Variants in PDE4D observed in about 807,000 individuals in gnomAD.
The protein encoded by PDE4D is phosphodiesterase 4D, also known as 3',5'-cyclic-AMP phosphodiesterase 4D.
In PDE4D, 24 loss-of-function variants were observed where a neutral mutation model predicts 87.4. The observed-to-expected ratio is 0.27, with a 90% CI of 0.20 to 0.39. The LOEUF (loss-of-function observed/expected upper bound fraction) is 0.39. Among genes scored for constraint, PDE4D ranks in the 10% least tolerant of loss-of-function variants. The pLI is 1.00. For synonymous variants in PDE4D, 384 were observed against 383.2 expected, an observed-to-expected ratio of 1.00 and a Z score of -0.02; for missense variants, 714 against 1,041.0, an observed-to-expected ratio of 0.69 and a Z score of 4.32.
intron 1 of PDE4D, among the ~76,000 whole-genome samples, chr5:59,410,018 T>A (rs1438606842): frequency 6.6e-6 from 1 of 152,228 alleles, no homozygotes; most frequent in Non-Finnish European, 1.5e-5. Context: ...AATAATCACA[T>A]CAGGATAAAT....
chr5:60,281,416 A>G (rs191621621), intron 1 of PDE4D, among the ~76,000 whole-genome samples: 2 of 152,202 alleles, frequency 1.3e-5, no homozygotes, highest in African/African-American at 2.4e-5. Context: ...TTTATTTGCC[A>G]TTCCTAAAAA....
intron 1 of PDE4D, among the ~76,000 whole-genome samples, chr5:59,629,761 C>T (rs1831340052): frequency 6.6e-6 from 1 of 152,168 alleles, no homozygotes; most frequent in African/African-American, 2.4e-5. Flanking sequence ...CACAGCTACC[C>T]TATGTGTTAG....
intron 3 of PDE4D, among the ~76,000 whole-genome samples, chr5:59,934,036 T>G (rs991354347): frequency 6.6e-6 from 1 of 152,030 alleles, no homozygotes; most frequent in Non-Finnish European, 1.5e-5. Flanking sequence ...CAGGCTGGAG[T>G]GCAGTGGTAC....
chr5:59,277,116 C>T (rs1764969262), intron 1 of PDE4D, among the ~76,000 whole-genome samples: 1 of 152,158 alleles, frequency 6.6e-6, no homozygotes. Flanking sequence ...CATTTGCAGA[C>T]AGGATGTTGG....
At chr5:60,133,422 G>A (rs1779758730) in intron 2 of PDE4D, among the ~76,000 whole-genome samples, 1 of 151,950 alleles carries the variant, frequency 6.6e-6, no homozygotes, top group Non-Finnish European at 1.5e-5. Context: ...TCTGCCTCCT[G>A]GGTTCAAGTG....
chr5:60,026,526 G>A (rs897773955), intron 2 of PDE4D, among the ~76,000 whole-genome samples: 1 of 152,164 alleles, frequency 6.6e-6, no homozygotes, highest in African/African-American at 2.4e-5. Context: ...TAGTGATACT[G>A]AACCGAATGT....
chr5:59,208,106 G>A (rs1408273327), intron 2 of PDE4D, among the ~76,000 whole-genome samples: 1 of 152,154 alleles, frequency 6.6e-6, no homozygotes, highest in Non-Finnish European at 1.5e-5. Context: ...GGCGGAGGAT[G>A]CAGTGAGCTG....
At chr5:60,492,344 G>A (rs1749578708), upstream of PDE4D, among the ~76,000 whole-genome samples, 1 of 152,124 alleles carries the variant, frequency 6.6e-6, no homozygotes, top group African/African-American at 2.4e-5. Flanking sequence ...AGGCCAAGGT[G>A]GGAGGATCAC....
intron 6 of PDE4D, among the ~76,000 whole-genome samples, chr5:59,023,831 AAC>A (rs1755690295): frequency 1.3e-5 from 2 of 152,190 alleles, no homozygotes; most frequent in South Asian, 4.1e-4. Context: ...ATATGTATCA[AAC>A]AGACAATATA....
At chr5:59,630,430 A>T (rs1314833643) in intron 1 of PDE4D, among the ~76,000 whole-genome samples, 3 of 152,240 alleles carry the variant, frequency 2.0e-5, no homozygotes, top group East Asian at 1.9e-4. Context: ...ATAGACCCTC[A>T]CCTTCATCAA....
chr5:59,488,334 C>T (rs1805540890), intron 1 of PDE4D, among the ~76,000 whole-genome samples: 1 of 152,160 alleles, frequency 6.6e-6, no homozygotes, highest in South Asian at 2.1e-4. Context: ...TTGAGCTATT[C>T]AGCTGAAGCA....
intron 1 of PDE4D, among the ~76,000 whole-genome samples, chr5:59,785,215 C>T (rs1765050597): frequency 6.6e-6 from 1 of 152,130 alleles, no homozygotes; most frequent in Non-Finnish European, 1.5e-5. Flanking sequence ...CTTTCATAAG[C>T]ATATAAGAAG....
Position 59,750,451 on chromosome 5 carries a change from T to G in PDE4D, c.455+142717A>C, listed in dbSNP as rs1760274725. On this transcript the variant is annotated intron_variant, in intron 1 of 14. Transcript: ENST00000340635. ...ATACGCCAACCACATTTGGCGTACT[T>G]GAAATCACAATGAAATGTACTTCTG... Among the ~76,000 whole-genome samples, 4 of 152,162 alleles carry G rather than the reference T, an allele frequency of 2.6e-5. No individual in the cohort carries two copies. In the South Asian group the frequency reaches 8.3e-4, roughly 32 times the overall value.
chr5:60,001,839 G>T (rs1265206671), intron 2 of PDE4D, among the ~76,000 whole-genome samples: 1 of 138,832 alleles, frequency 7.2e-6, no homozygotes, highest in Non-Finnish European at 1.6e-5. Context: ...ATAATTAAAA[G>T]ATGCTACAAG....
intron 5 of PDE4D, among the ~76,000 whole-genome samples, chr5:59,073,571 A>G (rs1765225632): frequency 6.6e-6 from 1 of 151,744 alleles, no homozygotes. Flanking sequence ...ATGGAAATGT[A>G]TTTATAATGC....
At chr5:59,944,403 C>G (rs1581847019) in intron 3 of PDE4D, among the ~76,000 whole-genome samples, 1 of 151,472 alleles carries the variant, frequency 6.6e-6, no homozygotes, top group East Asian at 2.0e-4. Context: ...GACGGAGTCT[C>G]GCTCTGTCGC....
chr5:59,962,666 A>G (rs1455625969), intron 3 of PDE4D, among the ~76,000 whole-genome samples: 3 of 152,210 alleles, frequency 2.0e-5, no homozygotes, highest in South Asian at 4.1e-4. Flanking sequence ...CTCTACATAG[A>G]AAATATTACA....
chr5:59,001,400 CTG>C (rs1427434781), intron 6 of PDE4D, among the ~76,000 whole-genome samples: 2 of 152,194 alleles, frequency 1.3e-5, no homozygotes, highest in Non-Finnish European at 2.9e-5. Context: ...TCCTGTAACA[CTG>C]TGTCTCTCTG....
rs540349715 is a variant in PDE4D at position 59,288,180 on chromosome 5, A to T, written c.456-72212T>A. Among the ~76,000 whole-genome samples the T allele has an allele frequency of 2.6e-5, 4 of 152,070 alleles. No individual in the cohort carries two copies. The South Asian group carries it at 8.3e-4, about 31-fold the overall frequency. On this transcript the variant is annotated intron_variant, in intron 1 of 14. Transcript: ENST00000340635. ...GATATGTGACCTTTTAGACAGAGGAAACTCAATGGAATTCAAGATAACACA... is the reference window on the plus strand; with the variant it reads ...GATATGTGACCTTTTAGACAGAGGATACTCAATGGAATTCAAGATAACACA...
Sources: gnomAD v4.1 joint callset for allele counts (sites outside exome capture counted in the v4.1 genomes callset) on GRCh38, gnomAD v4.1.1 for gene constraint, MANE v1.5 for transcripts, NCBI Gene and HGNC (gene_info 2026-07-23, HGNC 2026-07-21) for gene names.